The following LRP1B variants were observed in gnomAD, a reference collection of about 807,000 sequenced individuals.
LRP1B encodes low-density lipoprotein receptor-related protein 1B.
Under a neutral mutation model 556.6 loss-of-function variants are expected in LRP1B, and 217 were observed. The observed-to-expected ratio is 0.39, with a 90% CI of 0.35 to 0.44. The LOEUF is 0.44. Among genes scored for constraint, LRP1B ranks in the 20% least tolerant of loss-of-function variants. LRP1B has a pLI of 1.00. For missense variants in LRP1B, 5,053 were observed against 5,620.8 expected (o/e 0.90, Z 3.23); for synonymous variants, 2,047 against 1,865.8 (o/e 1.10, Z -2.50).
rs370115858 is a variant in LRP1B, at chr2:141,247,303, G to C, written c.515C>G (p.Thr172Arg). 1 of 1,613,688 alleles carries C rather than the reference G, an allele frequency of 6.2e-7. No homozygotes were observed. Among genetic ancestry groups the C allele is most frequent in the African/African-American group, 1.3e-5 (1 of 74,902 alleles). Reference protein sequence around the residue: ...YGTCSQTCRNTHGSYTCSCVE... With the variant: ...YGTCSQTCRNRHGSYTCSCVE... The stretch of plus-strand genomic sequence containing the variant: ...ACAACTGCAAGTGTAGGATCCATGT[G>C]TGTTTCTGCAGGTCTGGCTGCATGT... Residue 172 changes from threonine (T) to arginine (R), a missense_variant, in exon 5 of 91, where the codon ACA becomes AGA. Thr to Arg is a moderately conservative substitution (Grantham distance 71). This residue lies in a region of LRP1B where 3,619 missense variants were observed against 3,931.9 expected (regional missense o/e 0.92). Coordinates refer to ENST00000389484, the MANE Select transcript of LRP1B (RefSeq NM_018557.3).
intron 47 of LRP1B, among the ~76,000 whole-genome samples, chr2:140,526,793 C>T (rs1307137726): frequency 1.3e-5 from 2 of 151,364 alleles, no homozygotes; most frequent in African/African-American, 4.9e-5. Flanking sequence ...TGATTAAATG[C>T]CTACTGGGAA....
chr2:141,485,683 C>T (rs552493437), intron 2 of LRP1B, among the ~76,000 whole-genome samples: 3 of 152,238 alleles, frequency 2.0e-5, no homozygotes, highest in Non-Finnish European at 4.4e-5. Context: ...AAGCTCCTTA[C>T]AGATTCTGTC....
Position 141,946,064 on chromosome 2 carries a change from G to A in LRP1B, c.83-135663C>T, listed in dbSNP as rs528348111. Reference sequence around the variant, plus strand: ...CAGCTCCCACTCAACGAGAGAGCACGTAGGGGTACCTATACTAGCCCACCG... The same window carrying A: ...CAGCTCCCACTCAACGAGAGAGCACATAGGGGTACCTATACTAGCCCACCG... On this transcript the variant is annotated intron_variant, in intron 1 of 90. Coordinates refer to ENST00000389484, the MANE Select transcript of LRP1B (RefSeq NM_018557.3). 9.2e-5 allele frequency among the ~76,000 whole-genome samples: 14 copies of A among 152,146 alleles called. No homozygotes were observed. The East Asian group carries it at 1.7e-3, about 19-fold the overall frequency.
At chr2:140,755,069 AC>A (rs1688701148) in intron 35 of LRP1B, among the ~76,000 whole-genome samples, 1 of 152,086 alleles carries the variant, frequency 6.6e-6, no homozygotes. Context: ...AAATTACATA[AC>A]TTAGATAAAA....
chr2:141,767,186 C>A (rs745502917), intron 2 of LRP1B, among the ~76,000 whole-genome samples: 1 of 152,072 alleles, frequency 6.6e-6, no homozygotes, highest in South Asian at 2.1e-4. Context: ...AAACTGACCA[C>A]AGGAATCTGG....
chr2:140,695,527 A>C (rs568845316), intron 41 of LRP1B, among the ~76,000 whole-genome samples: 3 of 152,278 alleles, frequency 2.0e-5, no homozygotes, highest in Non-Finnish European at 4.4e-5. Context: ...GGAATCTCAG[A>C]ATTCTGTTTC....
chr2:142,046,227 G>A (rs1474937813), intron 1 of LRP1B, among the ~76,000 whole-genome samples: 1 of 151,834 alleles, frequency 6.6e-6, no homozygotes, highest in Non-Finnish European at 1.5e-5. Context: ...GTTTCTATAA[G>A]ACAGTCAAAT....
At chr2:140,432,894 G>GAAACTAATTACC (rs1287144453) in intron 66 of LRP1B, among the ~76,000 whole-genome samples, 6 of 152,122 alleles carry the variant, frequency 3.9e-5, no homozygotes, top group Middle Eastern at 3.2e-3. Flanking sequence ...TTGGGATTCA[G>GAAACTAATTACC]AAACTAATTA....
intron 37 of LRP1B, among the ~76,000 whole-genome samples, chr2:140,706,105 G>T (rs1374390422): frequency 6.6e-6 from 1 of 152,108 alleles, no homozygotes; most frequent in Non-Finnish European, 1.5e-5. Context: ...TATCATTAAT[G>T]AACATAGATT....
At chr2:140,473,166 T>C (rs1244291669) in intron 60 of LRP1B, among the ~76,000 whole-genome samples, 1 of 151,994 alleles carries the variant, frequency 6.6e-6, no homozygotes, top group East Asian at 1.9e-4. Flanking sequence ...TCAGGCTGGC[T>C]CCAATTAGTA....
intron 3 of LRP1B, among the ~76,000 whole-genome samples, chr2:141,330,259 A>T (rs1249381264): frequency 2.0e-5 from 3 of 152,192 alleles, no homozygotes; most frequent in African/African-American, 2.4e-5. Context: ...TTACATTTTT[A>T]AAAATATAAA....
intron 1 of LRP1B, among the ~76,000 whole-genome samples, chr2:142,034,974 C>T (rs1026309547): frequency 1.3e-5 from 2 of 151,718 alleles, no homozygotes; most frequent in Admixed American, 6.6e-5. Context: ...TATTTCTATG[C>T]AATTAAATAA....
chr2:140,291,583 A>G (rs1460607207), intron 84 of LRP1B, among the ~76,000 whole-genome samples: 1 of 151,624 alleles, frequency 6.6e-6, no homozygotes, highest in Non-Finnish European at 1.5e-5. Flanking sequence ...TCCTTGCGAT[A>G]GTTTGCTGAG....
At chr2:141,346,756 T>C (rs1044172657) in intron 3 of LRP1B, among the ~76,000 whole-genome samples, 2 of 152,160 alleles carry the variant, frequency 1.3e-5, no homozygotes, top group Non-Finnish European at 2.9e-5. Context: ...ATTCTTAGGC[T>C]TTTAAGGCTT....
intron 10 of LRP1B, among the ~76,000 whole-genome samples, chr2:141,052,191 C>A (rs555270905): frequency 1.3e-5 from 2 of 151,864 alleles, no homozygotes; most frequent in East Asian, 1.9e-4. Flanking sequence ...TCTTCATTGC[C>A]CTCATAGCCT....
intron 43 of LRP1B, among the ~76,000 whole-genome samples, chr2:140,590,573 T>C (rs1682181175): frequency 7.3e-6 from 1 of 137,394 alleles, no homozygotes; most frequent in Non-Finnish European, 1.6e-5. Flanking sequence ...TCTCTCTCTC[T>C]CTCTCTCCCC....
intron 35 of LRP1B, among the ~76,000 whole-genome samples, chr2:140,731,349 T>C (rs1687769164): frequency 6.6e-6 from 1 of 152,142 alleles, no homozygotes; most frequent in South Asian, 2.1e-4. Flanking sequence ...TGAATAAATG[T>C]TGATATCCAA....
chr2:140,513,147 T>A (rs1263518575), intron 51 of LRP1B, among the ~76,000 whole-genome samples: 1 of 152,086 alleles, frequency 6.6e-6, no homozygotes, highest in Non-Finnish European at 1.5e-5. Flanking sequence ...TCATATTAGG[T>A]ATACAGGTAT....
At chr2:140,664,678 C>T (rs911227713) in intron 41 of LRP1B, among the ~76,000 whole-genome samples, 2 of 151,582 alleles carry the variant, frequency 1.3e-5, no homozygotes, top group African/African-American at 4.8e-5. Flanking sequence ...ACTAATGAAT[C>T]CATAGTTTGT....
Sources: gnomAD v4.1 joint callset for allele counts (sites outside exome capture counted in the v4.1 genomes callset) on GRCh38, gnomAD v4.1.1 for gene constraint, gnomAD v4.1.1 regional missense constraint, MANE v1.5 for transcripts, NCBI Gene and HGNC (gene_info 2026-07-23, HGNC 2026-07-21) for gene names.